PAK4: variants seen among roughly 807,000 people sequenced by gnomAD.
PAK4 encodes serine/threonine-protein kinase PAK 4.
Under a neutral mutation model 53.5 loss-of-function variants are expected in PAK4, and 49 were observed. The ratio of observed to expected loss-of-function variants is 0.92; its 90% CI spans 0.73 to 1.16. The LOEUF is 1.16. PAK4 is among the 50% of genes most tolerant of loss of function. PAK4 has a pLI of 0.00. For missense variants in PAK4, 824 were observed against 850.7 expected (o/e 0.97, Z 0.39); for synonymous variants, 376 against 375.6 (o/e 1.00, Z -0.01).
chr19:39,153,074 A>G (rs2074119465), intron 1 of PAK4, among the ~76,000 whole-genome samples: 2 of 152,190 alleles, frequency 1.3e-5, no homozygotes, highest in African/African-American at 4.8e-5. Context: ...CTTTCAAATC[A>G]TAATTATAAA....
intron 1 of PAK4, among the ~76,000 whole-genome samples, chr19:39,142,588 G>A (rs1226079882): frequency 1.3e-5 from 2 of 152,128 alleles, no homozygotes; most frequent in African/African-American, 4.8e-5. Context: ...GGAGCAATAG[G>A]CTGGGTGCCC....
chr19:39,165,559 T>TAAATA (rs1175327445), intron 1 of PAK4, among the ~76,000 whole-genome samples: 1 of 151,058 alleles, frequency 6.6e-6, no homozygotes, highest in Non-Finnish European at 1.5e-5. Context: ...AATAAAATAA[T>TAAATA]AATAGACAAA....
chr19:39,167,438 C>G lies in PAK4; in HGVS notation c.-22-2094C>G, dbSNP rs368462970. Among the ~76,000 whole-genome samples the G allele has an allele frequency of 2.6e-5, 4 of 152,126 alleles. 1 individual carries two copies. The highest frequency in any genetic ancestry group is 1.9e-4 in the East Asian group (1 of 5,158). The stretch of plus-strand genomic sequence containing the variant: ...CCTAGAAAGCCATGAGAGAGTAGGT[C>G]AGGGCCACCAGGGGTGGGCTGGGCT... On this transcript the variant is annotated intron_variant, in intron 1 of 8. Coordinates refer to ENST00000358301, the Ensembl canonical transcript of PAK4.
downstream of PAK4, chr19:39,180,326 A>AT (rs1486546089): frequency 1.3e-5 from 2 of 152,270 alleles, no homozygotes; most frequent in African/African-American, 2.4e-5. Context: ...TGGAAAAAAA[A>AT]AAAATGCTAA....
intron 1 of PAK4, among the ~76,000 whole-genome samples, chr19:39,133,096 G>A (rs558126176): frequency 9.8e-5 from 15 of 152,308 alleles, no homozygotes; most frequent in Admixed American, 5.9e-4. Context: ...ACACAGAAGA[G>A]GTCAAGGGCT....
chr19:39,149,536 C>G (rs2074059983), intron 1 of PAK4, among the ~76,000 whole-genome samples: 1 of 152,116 alleles, frequency 6.6e-6, no homozygotes, highest in Non-Finnish European at 1.5e-5. Context: ...GCCTGGACAA[C>G]ATAGTGAGAC....
At chr19:39,140,097 A>G (rs1206048043) in intron 1 of PAK4, among the ~76,000 whole-genome samples, 1 of 152,076 alleles carries the variant, frequency 6.6e-6, no homozygotes, top group African/African-American at 2.4e-5. Flanking sequence ...TGGTCTGTCC[A>G]GATGTCTGTC....
At chr19:39,181,891 C>T (rs925880165), downstream of PAK4, 4 of 149,894 alleles carry the variant, frequency 2.7e-5, no homozygotes, top group African/African-American at 4.9e-5. Flanking sequence ...ATAAACAATG[C>T]AACCAGGTCA....
chr19:39,138,004 C>G (rs1364155725), intron 1 of PAK4, among the ~76,000 whole-genome samples: 3 of 141,162 alleles, frequency 2.1e-5, no homozygotes, highest in African/African-American at 2.7e-5. Flanking sequence ...TTTTTTGAGA[C>G]AGGGTCTTGC....
intron 1 of PAK4, among the ~76,000 whole-genome samples, chr19:39,140,300 G>A (rs911126229): frequency 6.6e-5 from 10 of 152,154 alleles, no homozygotes. Flanking sequence ...ACATCCTTCT[G>A]AGGGGAAGGA....
rs887827355 is a variant in PAK4, at chr19:39,175,817, A to C, written c.1359+379A>C. 5.9e-5 allele frequency among the ~76,000 whole-genome samples: 9 copies of C among 152,236 alleles called. No individual in the cohort carries two copies. The highest frequency in any genetic ancestry group is 2.2e-4 in the African/African-American group (9 of 41,460). ...TTCCATGCTTTGGACTGAGGTTCCA[A>C]ATCTGAGGCTGTGACAATTATAACG... is the stretch of plus-strand genomic sequence containing the variant. On this transcript the variant is annotated intron_variant, in intron 6 of 8. Coordinates refer to ENST00000358301, the Ensembl canonical transcript of PAK4. The surrounding 1 kb of genome is among the most constrained non-coding windows in gnomAD (Gnocchi z 4.7).
In PAK4 at chr19:39,129,662, G is replaced by A. The variant is rs183895548; in HGVS notation, c.-23+3743G>A. The stretch of plus-strand genomic sequence containing the variant: ...ACCAGGCTGTTTGGAAACAGATGGG[G>A]AGATGGTTCACACAACTGGCTTAGC... On this transcript the variant is annotated intron_variant, in intron 1 of 8. Coordinates refer to ENST00000358301, the Ensembl canonical transcript of PAK4. Among the ~76,000 whole-genome samples the A allele has an allele frequency of 5.8e-3, 868 of 149,306 alleles. 13 individuals are homozygous for A. The highest frequency in any genetic ancestry group is 0.02 in the African/African-American group (793 of 40,548).
chr19:39,146,349 T>A (rs1365246612), intron 1 of PAK4, among the ~76,000 whole-genome samples: 1 of 152,138 alleles, frequency 6.6e-6, no homozygotes, highest in Non-Finnish European at 1.5e-5. Context: ...GAAGGCCTCC[T>A]GGAGGAGGAG....
rs560379111 is a variant in PAK4 at position 39,155,051 on chromosome 19, G to A, written c.-22-14481G>A. ...GAGTTGGCTGCAGGGGCAGGGGTGT[G>A]CCAGAGCAGGGTAGTGGGAAGGACC... On this transcript the variant is annotated intron_variant, in intron 1 of 8. Transcript: ENST00000358301. Among the ~76,000 whole-genome samples the A allele has an allele frequency of 1.6e-4, 25 of 152,330 alleles. No individual in the cohort carries two copies. In the East Asian group the frequency reaches 4.4e-3, roughly 27 times the overall value.
intron 1 of PAK4, among the ~76,000 whole-genome samples, chr19:39,155,484 G>T (rs551296456): frequency 3.3e-5 from 5 of 152,186 alleles, no homozygotes; most frequent in African/African-American, 1.2e-4. Context: ...GGTGCCTCAA[G>T]TGGGGCCGGA....
At chr19:39,157,716 C>T (rs1003494301) in intron 1 of PAK4, among the ~76,000 whole-genome samples, 3 of 152,244 alleles carry the variant, frequency 2.0e-5, no homozygotes, top group Non-Finnish European at 4.4e-5. Context: ...TGGTCCTGTA[C>T]GGGCCGCCGC....
chr19:39,178,476 C>T lies in PAK4; in HGVS notation c.1673C>T (p.Ala558Val), dbSNP rs2074655450. 6.2e-7 allele frequency: 1 copy of T among 1,609,886 alleles called. No individual in the cohort carries two copies. The highest frequency in any genetic ancestry group is 8.5e-7 in the Non-Finnish European group (1 of 1,178,670). Residue 558 changes from alanine to valine, a missense_variant, in exon 9 of 9, where the codon GCC becomes GTC. Ala to Val is a moderately conservative substitution (Grantham distance 64). This residue lies in a region of PAK4 where 346 missense variants were observed against 415.0 expected (regional missense o/e 0.83). Transcript: ENST00000358301. This position sits in a 1 kb window ranked among gnomAD's most constrained non-coding sequence, Gnocchi z 4.4. ...GACCGCCTGCTGGTGCGAGACCCTG[C>T]CCAGCGGGCCACGGCAGCCGAGCTG...
chr19:39,180,221 C>A (rs2074686233), downstream of PAK4: 1 of 152,224 alleles, frequency 6.6e-6, no homozygotes, highest in Admixed American at 6.5e-5. Context: ...AGTGCAAACA[C>A]AGCCTAGATG....
chr19:39,171,364 A>G (rs931554959), intron 2 of PAK4, among the ~76,000 whole-genome samples: 1 of 151,980 alleles, frequency 6.6e-6, no homozygotes, highest in East Asian at 1.9e-4. Context: ...GCCCACCACT[A>G]TGCCCATCTA....
Sources: gnomAD v4.1 joint callset for allele counts (sites outside exome capture counted in the v4.1 genomes callset) on GRCh38, gnomAD v4.1.1 for gene constraint, gnomAD v4.1.1 regional missense constraint, Gnocchi (gnomAD v3.1) non-coding constraint, MANE v1.5 for transcripts, NCBI Gene and HGNC (gene_info 2026-07-23, HGNC 2026-07-21) for gene names.